MRPL47: variants seen among roughly 807,000 people sequenced by gnomAD.
MRPL47 encodes large ribosomal subunit protein uL29m.
Under a neutral mutation model 34.0 loss-of-function variants are expected in MRPL47, and 31 were observed. The observed-to-expected ratio is 0.91, with a 90% confidence interval of 0.68 to 1.23. MRPL47 has a LOEUF of 1.23. Among genes scored for constraint, MRPL47 ranks in the 50% most tolerant of loss-of-function variants. The pLI is 0.00. For missense variants in MRPL47, 328 were observed against 285.8 expected (o/e 1.15, Z -1.07); for synonymous variants, 106 against 101.6 (o/e 1.04, Z -0.26).
chr3:179,603,773 T>G (rs920384980), intron 1 of MRPL47, among the ~76,000 whole-genome samples: 2 of 152,154 alleles, frequency 1.3e-5, no homozygotes, highest in African/African-American at 4.8e-5. Context: ...GGATGATAAA[T>G]TATTATGCAG....
intron 4 of MRPL47, among the ~76,000 whole-genome samples, chr3:179,597,808 C>CA (rs200678114): frequency 9.3e-5 from 14 of 151,348 alleles, no homozygotes; most frequent in East Asian, 1.9e-4. Flanking sequence ...AACTCCGTCT[C>CA]AAAAAAATAA....
At chr3:179,598,868 T>G (rs1242111947) in intron 3 of MRPL47, 97 bp from the exon 4 acceptor site, 1 of 876,940 alleles carries the variant, frequency 1.1e-6, no homozygotes, top group Non-Finnish European at 1.8e-6. Context: ...TACTTGAAAG[T>G]CACTTAGAGG....
At chr3:179,593,920 A>T (rs1419635622) in intron 4 of MRPL47, 25 bp from the exon 5 acceptor site, 1 of 1,597,326 alleles carries the variant, frequency 6.3e-7, no homozygotes, top group South Asian at 1.1e-5. Context: ...GAAAGATACA[A>T]TTTCAACAAT....
At chr3:179,592,042 G>A (rs772391098) in intron 6 of MRPL47, among the ~76,000 whole-genome samples, 10 of 151,938 alleles carry the variant, frequency 6.6e-5, no homozygotes, top group Admixed American at 2.6e-4. Flanking sequence ...CACTTTGGCC[G>A]GGCTGTTCTC....
At position 179,592,612 on chromosome 3, in the gene MRPL47, T is replaced by A. The variant is rs367601446; in HGVS notation, c.629+32A>T. The A allele has an allele frequency of 6.9e-6, 9 of 1,307,698 alleles. No individual in the cohort carries two copies. In the East Asian group the frequency reaches 6.9e-5, roughly 10 times the overall value. The allele number at this position is 1,307,698 out of a possible 1,614,324, so 81.0% of individuals were successfully genotyped here. A position where few individuals can be genotyped will look rare whatever the true frequency, so the allele number is the denominator to read the frequency against. Reference sequence around the variant, plus strand: ...GACCATATGTCATCTGGTATAAAGATAATATGTTTTATTAAAGGTGCTTGT... The same window carrying A: ...GACCATATGTCATCTGGTATAAAGAAAATATGTTTTATTAAAGGTGCTTGT... On this transcript the variant is annotated intron_variant, in intron 6 of 6. Transcript: ENST00000476781.
At chr3:179,604,055 C>T (rs992113516) in intron 1 of MRPL47, among the ~76,000 whole-genome samples, 1 of 150,362 alleles carries the variant, frequency 6.7e-6, no homozygotes, top group Non-Finnish European at 1.5e-5. Flanking sequence ...GGATACTTCA[C>T]TGGATCCAGG....
At chr3:179,600,203 C>A (rs982215045) in intron 3 of MRPL47, among the ~76,000 whole-genome samples, 3 of 152,018 alleles carry the variant, frequency 2.0e-5, no homozygotes, top group African/African-American at 7.2e-5. Flanking sequence ...CTTAACTATC[C>A]TTTCACTGAT....
In MRPL47 at chr3:179,604,533, C is replaced by T. The variant is rs755504505; in HGVS notation, c.92G>A (p.Cys31Tyr). Residue 31 changes from cysteine (C) to tyrosine (Y), a missense_variant, in exon 1 of 7, where the codon TGC becomes TAC. By Grantham distance (194) the Cys-to-Tyr change is radical. Coordinates refer to ENST00000476781, the MANE Select transcript of MRPL47 (RefSeq NM_020409.3). ...RSLITPQVPA[C>Y]TGFFLSLLPK... ...TACTTTATACATCACTTACCCTGTG[C>T]AGGCAGGGACCTGAGGAGTTATTAA... The T allele has an allele frequency of 6.2e-7, 1 of 1,613,742 alleles. No homozygotes were observed. The highest frequency in any genetic ancestry group is 8.5e-7 in the Non-Finnish European group (1 of 1,179,646).
intron 4 of MRPL47, among the ~76,000 whole-genome samples, chr3:179,596,449 T>G (rs191626765): frequency 1.4e-4 from 21 of 152,280 alleles, no homozygotes; most frequent in African/African-American, 5.1e-4. Context: ...TTCTCTGGAG[T>G]AAACTTTTAT....
chr3:179,588,726 A>C lies in MRPL47; in HGVS notation c.*146T>G. On this transcript the variant is annotated 3_prime_UTR_variant, in exon 7 of 7. Transcript: ENST00000476781. ...TTAGCTTCTACCAAATTAGCTAATT[A>C]GCATGCCATATTCACACTTAGAACA... 9.2e-6 allele frequency: 6 copies of C among 651,724 alleles called. No individual in the cohort carries two copies. Among genetic ancestry groups the C allele is most frequent in the Non-Finnish European group, 1.5e-5 (6 of 402,092 alleles). 40.4% of individuals were successfully genotyped at this position (651,724 alleles called of 1,614,324 possible). A position where few individuals can be genotyped will look rare whatever the true frequency, so the allele number is the denominator to read the frequency against.
chr3:179,600,416 G>A (rs996223586), intron 3 of MRPL47, among the ~76,000 whole-genome samples: 10 of 152,048 alleles, frequency 6.6e-5, no homozygotes, highest in Admixed American at 2.6e-4. Context: ...CAAGGCAGGC[G>A]GATCACTTGA....
intron 3 of MRPL47, among the ~76,000 whole-genome samples, chr3:179,600,082 T>C (rs112009668): frequency 0.09 from 13,654 of 151,406 alleles, 664 homozygotes; most frequent in South Asian, 0.17. Flanking sequence ...GATCGTGCCA[T>C]TGCACTCCGG....
intron 4 of MRPL47, among the ~76,000 whole-genome samples, chr3:179,596,975 A>G (rs1217535636): frequency 2.0e-5 from 3 of 152,228 alleles, no homozygotes; most frequent in African/African-American, 7.2e-5. Context: ...TATATAAGGG[A>G]ATATCCTGGT....
intron 4 of MRPL47, 102 bp downstream of exon 4, chr3:179,598,573 A>AT: frequency 1.3e-6 from 1 of 787,348 alleles, no homozygotes; most frequent in Non-Finnish European, 2.2e-6. Context: ...AATCAAACGA[A>AT]TAAGAAAAAA....
In MRPL47 at chr3:179,589,011, CG is replaced by C. The variant is rs1718599838; in HGVS notation, c.630-17del. The C allele has an allele frequency of 1.3e-6, 2 of 1,586,186 alleles. No individual in the cohort carries two copies. Among genetic ancestry groups the C allele is most frequent in the Non-Finnish European group, 1.7e-6 (2 of 1,169,612 alleles). On this transcript the variant is annotated splice_polypyrimidine_tract_variant and intron_variant, in intron 6 of 6. Coordinates refer to ENST00000476781, the MANE Select transcript of MRPL47 (RefSeq NM_020409.3). ...ACGTTCCAGTCTAGAATAAAAAAAGCGTAACAGCAATTTATACAAAAATATT... is the reference window on the plus strand; with the variant it reads ...ACGTTCCAGTCTAGAATAAAAAAAGCTAACAGCAATTTATACAAAAATATT...
At chr3:179,589,036 T>G in intron 6 of MRPL47, 41 bp from the exon 7 acceptor site, 1 of 1,574,500 alleles carries the variant, frequency 6.4e-7, no homozygotes, top group Non-Finnish European at 8.6e-7. Context: ...TACAAAAATA[T>G]TTCCTTGTTA....
At chr3:179,602,104 G>A (rs910281051) in intron 2 of MRPL47, among the ~76,000 whole-genome samples, 7 of 152,212 alleles carry the variant, frequency 4.6e-5, no homozygotes, top group African/African-American at 1.4e-4. Flanking sequence ...AACGCTTTGG[G>A]AGGCCAAGAC....
intron 3 of MRPL47, among the ~76,000 whole-genome samples, chr3:179,601,265 G>A (rs945817663): frequency 6.6e-6 from 1 of 152,122 alleles, no homozygotes; most frequent in Admixed American, 6.5e-5. Flanking sequence ...AAAATTAGCT[G>A]GGTGTGGTGG....
intron 6 of MRPL47, among the ~76,000 whole-genome samples, chr3:179,589,957 TAAA>T (rs1576864101): frequency 6.6e-6 from 1 of 152,198 alleles, no homozygotes; most frequent in Non-Finnish European, 1.5e-5. Flanking sequence ...AGGTGAGGCT[TAAA>T]AAGGTAGTTT....
Sources: gnomAD v4.1 joint callset for allele counts (sites outside exome capture counted in the v4.1 genomes callset) on GRCh38, gnomAD v4.1.1 for gene constraint, MANE v1.5 for transcripts, NCBI Gene and HGNC (gene_info 2026-07-23, HGNC 2026-07-21) for gene names.